The following AGBL4 variants were observed in gnomAD, a reference collection of about 807,000 sequenced individuals.
AGBL4 encodes AGBL carboxypeptidase 4.
AGBL4 carries 58 observed loss-of-function variants against 66.4 expected under a neutral mutation model. The observed-to-expected ratio is 0.87, with a 90% confidence interval of 0.71 to 1.09. The LOEUF (loss-of-function observed/expected upper bound fraction) is 1.09, where lower values mean the gene tolerates loss of function less well. AGBL4 is among the 50% of genes least tolerant of loss of function. AGBL4 has a pLI of 0.00. For synonymous variants in AGBL4, 234 were observed against 222.9 expected (o/e 1.05, Z -0.44); for missense variants, 579 against 631.0 (o/e 0.92, Z 0.88).
chr1:49,881,216 A>G (rs534067010), intron 1 of AGBL4, among the ~76,000 whole-genome samples: 1 of 152,230 alleles, frequency 6.6e-6, no homozygotes, highest in Admixed American at 6.5e-5. Context: ...AAGGACATGA[A>G]CTCATCATTT....
intron 3 of AGBL4, among the ~76,000 whole-genome samples, chr1:49,379,327 G>A (rs1219230934): frequency 1.3e-5 from 2 of 152,106 alleles, no homozygotes; most frequent in Non-Finnish European, 2.9e-5. Context: ...TCACCAATTA[G>A]ATAGATGCTT....
At chr1:48,878,450 T>C (rs1649433632) in intron 5 of AGBL4, among the ~76,000 whole-genome samples, 1 of 152,176 alleles carries the variant, frequency 6.6e-6, no homozygotes, top group African/African-American at 2.4e-5. Flanking sequence ...GTTAAATACT[T>C]TGAAATGGGT....
intron 3 of AGBL4, among the ~76,000 whole-genome samples, chr1:49,697,030 T>C (rs1186221910): frequency 1.3e-5 from 2 of 152,152 alleles, no homozygotes; most frequent in South Asian, 4.1e-4. Flanking sequence ...AGTGTTTCCT[T>C]ATAGTGTCCC....
intron 10 of AGBL4, among the ~76,000 whole-genome samples, chr1:48,589,061 G>A (rs1355130308): frequency 1.3e-5 from 2 of 152,168 alleles, no homozygotes; most frequent in Non-Finnish European, 2.9e-5. Flanking sequence ...GGACTAAGGA[G>A]GCCACATTCT....
intron 3 of AGBL4, among the ~76,000 whole-genome samples, chr1:49,453,886 G>A (rs1196700419): frequency 6.6e-6 from 1 of 151,736 alleles, no homozygotes; most frequent in Non-Finnish European, 1.5e-5. Context: ...CAAGTGTCCT[G>A]CCTCTCACAT....
intron 6 of AGBL4, among the ~76,000 whole-genome samples, chr1:48,743,951 A>G (rs10749679): frequency 0.3 from 45,565 of 152,106 alleles, 7,641 homozygotes; most frequent in East Asian, 0.71. Flanking sequence ...AGTATCATAA[A>G]ATTTAAGAAT....
intron 1 of AGBL4, among the ~76,000 whole-genome samples, chr1:49,853,750 A>G (rs1646362738): frequency 6.6e-6 from 1 of 152,128 alleles, no homozygotes. Flanking sequence ...TGAAATATAT[A>G]AACTGTGCAA....
Position 49,088,420 on chromosome 1 carries a change from A to C in AGBL4, c.378-42620T>G, listed in dbSNP as rs143942694. On this transcript the variant is annotated intron_variant, in intron 4 of 13. Coordinates refer to ENST00000371839, the MANE Select transcript of AGBL4 (RefSeq NM_032785.4). ...AGGAAAATCTATCAAGCAAACAGAA[A>C]ACAGAAAAAAGCAGGAGGTGCTATT... Among the ~76,000 whole-genome samples, 954 of 152,318 alleles carry C rather than the reference A, an allele frequency of 6.3e-3. 6 individuals carry two copies. Among genetic ancestry groups the C allele is most frequent in the South Asian group, 0.013 (64 of 4,824 alleles).
At chr1:50,007,604 AC>A (rs1352740248) in intron 1 of AGBL4, among the ~76,000 whole-genome samples, 3 of 152,150 alleles carry the variant, frequency 2.0e-5, no homozygotes, top group Non-Finnish European at 4.4e-5. Context: ...CCCTACAAAA[AC>A]AAAACAAAAT....
chr1:49,340,489 TTTA>T (rs1645517862), intron 3 of AGBL4, among the ~76,000 whole-genome samples: 1 of 152,182 alleles, frequency 6.6e-6, no homozygotes, highest in African/African-American at 2.4e-5. Context: ...CATTGTACTA[TTTA>T]TTTTCACTAT....
chr1:49,600,182 C>T (rs980522756), intron 3 of AGBL4, among the ~76,000 whole-genome samples: 5 of 152,144 alleles, frequency 3.3e-5, no homozygotes, highest in Non-Finnish European at 7.3e-5. Context: ...TATTCTGACT[C>T]ATTGATTTGT....
At chr1:49,602,801 A>G (rs1644985958) in intron 3 of AGBL4, among the ~76,000 whole-genome samples, 2 of 150,946 alleles carry the variant, frequency 1.3e-5, no homozygotes, top group Admixed American at 6.6e-5. Context: ...TTCTGCACAT[A>G]TATCCCAGAA....
intron 2 of AGBL4, among the ~76,000 whole-genome samples, chr1:49,849,426 A>ATTG (rs1646248664): frequency 1.5e-5 from 1 of 66,622 alleles, no homozygotes; most frequent in South Asian, 5.5e-4. Flanking sequence ...TATTATTATT[A>ATTG]TTATTATGTA....
intron 1 of AGBL4, among the ~76,000 whole-genome samples, chr1:50,003,663 G>A (rs542817693): frequency 6.6e-6 from 1 of 152,124 alleles, no homozygotes; most frequent in Non-Finnish European, 1.5e-5. Flanking sequence ...AATAAAAAGA[G>A]AAAGAGAGAA....
At chr1:49,295,205 T>C (rs1005665647) in intron 3 of AGBL4, among the ~76,000 whole-genome samples, 5 of 152,198 alleles carry the variant, frequency 3.3e-5, no homozygotes, top group Admixed American at 2.6e-4. Context: ...AGTGTAAGCA[T>C]TGAGGATATA....
rs577332674 is a variant in AGBL4 at position 49,483,712 on chromosome 1, G to A, written c.282+213601C>T. Among the ~76,000 whole-genome samples, 5 of 151,802 alleles carry A rather than the reference G, an allele frequency of 3.3e-5. No individual in the cohort carries two copies. The South Asian group carries it at 6.2e-4, about 19-fold the overall frequency. The stretch of plus-strand genomic sequence containing the variant: ...GCAAAGGTTTCTTGAGTAACGCTCC[G>A]CAAGCACAGGCAACCAAAGTAAACA... On this transcript the variant is annotated intron_variant, in intron 3 of 13. Coordinates refer to ENST00000371839, the MANE Select transcript of AGBL4 (RefSeq NM_032785.4).
intron 4 of AGBL4, among the ~76,000 whole-genome samples, chr1:49,213,407 A>G (rs980468669): frequency 6.6e-6 from 1 of 152,082 alleles, no homozygotes; most frequent in African/African-American, 2.4e-5. Flanking sequence ...TGTTTGGGTC[A>G]TGGCGGCAGA....
chr1:49,421,205 T>C (rs555273209), intron 3 of AGBL4, among the ~76,000 whole-genome samples: 3 of 152,242 alleles, frequency 2.0e-5, no homozygotes, highest in Admixed American at 1.3e-4. Context: ...AAAATGAATG[T>C]AAAAGGGCTA....
At chr1:49,029,559 C>T (rs956471718) in intron 5 of AGBL4, among the ~76,000 whole-genome samples, 3 of 152,126 alleles carry the variant, frequency 2.0e-5, no homozygotes, top group African/African-American at 7.2e-5. Context: ...AAACATCCCA[C>T]ATTCATGCAT....
Sources: allele counts gnomAD v4.1 joint callset (sites outside exome capture counted in the v4.1 genomes callset), GRCh38; gene constraint gnomAD v4.1.1; transcripts MANE v1.5; gene names NCBI Gene and HGNC (gene_info 2026-07-23, HGNC 2026-07-21).